Variants in CDH12 observed in about 807,000 individuals in gnomAD.
The protein encoded by CDH12 is cadherin 12, also known as cadherin-12.
A neutral mutation model predicts 74.1 loss-of-function variants in CDH12; 41 were observed. That is an observed-to-expected ratio of 0.55 (90% CI 0.43 to 0.72). The LOEUF is 0.72. Among genes scored for constraint, CDH12 ranks in the 30% least tolerant of loss-of-function variants. CDH12 has a pLI of 0.00. For missense variants in CDH12, 945 were observed against 977.2 expected, an observed-to-expected ratio of 0.97 and a Z score of 0.44; for synonymous variants, 399 against 355.0, an observed-to-expected ratio of 1.12 and a Z score of -1.39.
chr5:21,882,138 C>T (rs771575572), intron 6 of CDH12, among the ~76,000 whole-genome samples: 7 of 152,118 alleles, frequency 4.6e-5, no homozygotes, highest in Non-Finnish European at 8.8e-5. Flanking sequence ...TAGCTTCAGA[C>T]GGTTATTGTC....
At chr5:22,051,251 T>C (rs1239428207) in intron 5 of CDH12, among the ~76,000 whole-genome samples, 1 of 152,110 alleles carries the variant, frequency 6.6e-6, no homozygotes, top group Non-Finnish European at 1.5e-5. Flanking sequence ...TCTAAGCCTG[T>C]TCCATAGAAG....
At chr5:21,989,270 T>C (rs1345117363) in intron 5 of CDH12, among the ~76,000 whole-genome samples, 6 of 152,214 alleles carry the variant, frequency 3.9e-5, no homozygotes, top group Non-Finnish European at 8.8e-5. Context: ...AATAAACATG[T>C]AGTTTCTAAT....
chr5:22,725,814 C>T (rs1744137154), intron 1 of CDH12, among the ~76,000 whole-genome samples: 1 of 151,574 alleles, frequency 6.6e-6, no homozygotes, highest in Admixed American at 6.6e-5. Context: ...GAGACAAACA[C>T]CAGAAACTAA....
chr5:22,071,524 G>C (rs1288609004), intron 5 of CDH12, among the ~76,000 whole-genome samples: 4 of 151,854 alleles, frequency 2.6e-5, no homozygotes, highest in African/African-American at 9.7e-5. Context: ...ACTTTTTCCT[G>C]GTTTATCTTC....
chr5:22,174,678 T>C (rs1196399798), intron 4 of CDH12, among the ~76,000 whole-genome samples: 4 of 151,948 alleles, frequency 2.6e-5, no homozygotes, highest in Non-Finnish European at 5.9e-5. Context: ...ACCATTTATC[T>C]TGAGGACAAG....
intron 6 of CDH12, chr5:21,883,005 G>A: frequency 6.2e-7 from 1 of 1,606,672 alleles, no homozygotes. Context: ...TAATCCAGTG[G>A]AAATCAGGAG....
At chr5:22,682,226 T>C (rs532942260) in intron 1 of CDH12, among the ~76,000 whole-genome samples, 2 of 152,168 alleles carry the variant, frequency 1.3e-5, no homozygotes, top group South Asian at 2.1e-4. Flanking sequence ...ACAGACTGCT[T>C]AAGCACAAGA....
intron 3 of CDH12, among the ~76,000 whole-genome samples, chr5:22,315,450 G>A (rs1282227657): frequency 6.6e-6 from 1 of 152,024 alleles, no homozygotes; most frequent in Non-Finnish European, 1.5e-5. Flanking sequence ...GGTTGATGGA[G>A]CTTATATAGA....
intron 5 of CDH12, among the ~76,000 whole-genome samples, chr5:22,004,556 A>T (rs1335983280): frequency 6.6e-6 from 1 of 152,044 alleles, no homozygotes; most frequent in African/African-American, 2.4e-5. Context: ...ATACCTAGAG[A>T]GCTATTCCCT....
intron 3 of CDH12, among the ~76,000 whole-genome samples, chr5:22,331,026 T>TG (rs1426917984): frequency 1.3e-5 from 2 of 151,972 alleles, no homozygotes; most frequent in African/African-American, 4.8e-5. Context: ...GAACTCCCCA[T>TG]GGGTTGTTGT....
intron 1 of CDH12, among the ~76,000 whole-genome samples, chr5:22,720,567 C>T (rs918161417): frequency 2.0e-5 from 3 of 152,038 alleles, no homozygotes; most frequent in African/African-American, 7.2e-5. Context: ...GGGTAACAGT[C>T]AGAGGTTGGA....
intron 3 of CDH12, among the ~76,000 whole-genome samples, chr5:22,379,036 A>G (rs79517276): frequency 0.04 from 6,161 of 152,238 alleles, 433 homozygotes; most frequent in African/African-American, 0.14. Context: ...ACTTAACATT[A>G]TAATAGAAAA....
At chr5:22,367,002 C>A (rs1741062622) in intron 3 of CDH12, among the ~76,000 whole-genome samples, 1 of 152,020 alleles carries the variant, frequency 6.6e-6, no homozygotes, top group African/African-American at 2.4e-5. Context: ...AAATTATTTT[C>A]TTTTATTCAT....
chr5:22,045,910 A>G (rs1739917237), intron 5 of CDH12, among the ~76,000 whole-genome samples: 1 of 152,192 alleles, frequency 6.6e-6, no homozygotes, highest in African/African-American at 2.4e-5. Flanking sequence ...ATGATGTATT[A>G]TATATTCCAC....
chr5:22,662,575 T>C (rs1232168838), intron 1 of CDH12, among the ~76,000 whole-genome samples: 1 of 152,198 alleles, frequency 6.6e-6, no homozygotes, highest in Non-Finnish European at 1.5e-5. Flanking sequence ...ACAGGAAAAA[T>C]AAACACAATC....
chr5:22,114,793 C>CA (rs1339793239), intron 4 of CDH12, among the ~76,000 whole-genome samples: 1 of 151,978 alleles, frequency 6.6e-6, no homozygotes, highest in African/African-American at 2.4e-5. Context: ...AAAGAAAATC[C>CA]AGGATATTAG....
intron 1 of CDH12, among the ~76,000 whole-genome samples, chr5:22,833,489 G>C (rs1398013973): frequency 6.6e-6 from 1 of 152,084 alleles, no homozygotes; most frequent in African/African-American, 2.4e-5. Flanking sequence ...CTAAATAATT[G>C]ATACAAACAT....
intron 5 of CDH12, among the ~76,000 whole-genome samples, chr5:21,996,421 C>T (rs1049858792): frequency 7.9e-5 from 12 of 152,064 alleles, no homozygotes; most frequent in African/African-American, 1.4e-4. Context: ...AAAATCAGGC[C>T]GCTGGAACTA....
At position 22,747,229 on chromosome 5, in the gene CDH12, A is replaced by G. The variant is rs1295445124; in HGVS notation, c.-523+105829T>C. Among the ~76,000 whole-genome samples, 5 of 152,192 alleles carry G rather than the reference A, an allele frequency of 3.3e-5. No individual in the cohort carries two copies. In the East Asian group the frequency reaches 5.8e-4, roughly 18 times the overall value. The stretch of plus-strand genomic sequence containing the variant: ...GTTTATTTTACAGAAAGGCTTACCT[A>G]TAATCAATAACATGTGATTTTTAAA... On this transcript the variant is annotated intron_variant, in intron 1 of 14. Coordinates refer to ENST00000382254, the MANE Select transcript of CDH12 (RefSeq NM_004061.5).
Sources: gnomAD v4.1 joint callset for allele counts (sites outside exome capture counted in the v4.1 genomes callset) on GRCh38, gnomAD v4.1.1 for gene constraint, MANE v1.5 for transcripts, NCBI Gene and HGNC (gene_info 2026-07-23, HGNC 2026-07-21) for gene names.